The following UTS2B variants were observed in gnomAD, a reference collection of about 807,000 sequenced individuals.
UTS2B encodes urotensin 2B.
A neutral mutation model predicts 19.2 loss-of-function variants in UTS2B; 21 were observed. The ratio of observed to expected loss-of-function variants is 1.09; its 90% CI spans 0.78 to 1.58. The LOEUF is 1.58. Ranked by LOEUF, UTS2B falls within the 40% of genes most tolerant of loss-of-function variation. The pLI, the probability that UTS2B is intolerant of heterozygous loss-of-function variation, is 0.00. For missense variants in UTS2B, 138 were observed against 130.3 expected (o/e 1.06, Z -0.29); for synonymous variants, 57 against 50.2 (o/e 1.14, Z -0.58).
chr3:191,288,061 T>G (rs1716605427), intron 4 of UTS2B, among the ~76,000 whole-genome samples: 1 of 152,108 alleles, frequency 6.6e-6, no homozygotes. Context: ...AAAAAATTAT[T>G]AGGAATACAT....
intron 4 of UTS2B, chr3:191,294,540 A>G (rs994277279): frequency 1.3e-5 from 2 of 151,946 alleles, no homozygotes; most frequent in Non-Finnish European, 2.9e-5. Flanking sequence ...GCTATGATAA[A>G]TGTCCATGTT....
chr3:191,269,583 A>G (rs1357866645), intron 8 of UTS2B, among the ~76,000 whole-genome samples: 1 of 151,550 alleles, frequency 6.6e-6, no homozygotes, highest in East Asian at 1.9e-4. Context: ...CACAGGCATG[A>G]TCATAGAGTG....
intron 3 of UTS2B, among the ~76,000 whole-genome samples, chr3:191,313,567 C>T (rs1003571905): frequency 6.6e-6 from 1 of 152,132 alleles, no homozygotes. Context: ...ACTCACACAC[C>T]AGACTGTCAA....
chr3:191,335,153 A>G (rs970604550), upstream of UTS2B, among the ~76,000 whole-genome samples: 1 of 152,214 alleles, frequency 6.6e-6, no homozygotes, highest in Non-Finnish European at 1.5e-5. Flanking sequence ...CCTCAGTGAC[A>G]AAAAACATGT....
chr3:191,335,647 C>T, the UTS2B span, among the ~76,000 whole-genome samples: 10 of 151,844 alleles, frequency 6.6e-5, no homozygotes, highest in Non-Finnish European at 1.3e-4. Flanking sequence ...AGTGTGTGTG[C>T]ATAGGATAGT....
intron 4 of UTS2B, among the ~76,000 whole-genome samples, chr3:191,300,037 T>TA (rs1281417048): frequency 1.3e-5 from 2 of 151,592 alleles, no homozygotes; most frequent in Admixed American, 6.6e-5. Flanking sequence ...ACATTTTTTT[T>TA]TATATATACA....
intron 3 of UTS2B, among the ~76,000 whole-genome samples, chr3:191,308,082 C>T (rs1717193656): frequency 6.6e-6 from 1 of 152,174 alleles, no homozygotes; most frequent in African/African-American, 2.4e-5. Context: ...GATCTGCCCA[C>T]CTTGGCCTCC....
intron 3 of UTS2B, among the ~76,000 whole-genome samples, chr3:191,305,816 A>T (rs959243459): frequency 6.6e-6 from 1 of 152,084 alleles, no homozygotes; most frequent in Non-Finnish European, 1.5e-5. Context: ...TTATATCTTT[A>T]ATCCATCTTG....
At chr3:191,303,705 T>C (rs1486755162) in intron 4 of UTS2B, among the ~76,000 whole-genome samples, 1 of 152,208 alleles carries the variant, frequency 6.6e-6, no homozygotes, top group Non-Finnish European at 1.5e-5. Context: ...CTCACAAATA[T>C]TATGACATTG....
At chr3:191,323,114 G>A (rs1258358040) in intron 2 of UTS2B, among the ~76,000 whole-genome samples, 2 of 115,962 alleles carry the variant, frequency 1.7e-5, no homozygotes, top group Non-Finnish European at 1.8e-5. Flanking sequence ...TGATGTTCAG[G>A]TTCTCTTTTC....
chr3:191,301,337 C>G (rs577627317), intron 4 of UTS2B, among the ~76,000 whole-genome samples: 5 of 152,150 alleles, frequency 3.3e-5, no homozygotes, highest in African/African-American at 4.8e-5. Context: ...AGTGCCACTA[C>G]CTTGTCTTCC....
intron 3 of UTS2B, among the ~76,000 whole-genome samples, chr3:191,307,946 C>T (rs1016933043): frequency 1.5e-4 from 22 of 151,674 alleles, no homozygotes; most frequent in African/African-American, 5.3e-4. Flanking sequence ...AGCAATTCTC[C>T]TGCCTCAGTC....
chr3:191,273,564 G>A, intron 8 of UTS2B: 1 of 456,698 alleles, frequency 2.2e-6, no homozygotes, highest in Non-Finnish European at 4.4e-6. Context: ...GGATGATAGG[G>A]CTACAGAATA....
chr3:191,299,110 A>T (rs1224292170), intron 4 of UTS2B, among the ~76,000 whole-genome samples: 2 of 144,424 alleles, frequency 1.4e-5, no homozygotes, highest in Admixed American at 1.4e-4. Flanking sequence ...TTGAACTTAC[A>T]TTTAAAAGGG....
the UTS2B span, among the ~76,000 whole-genome samples, chr3:191,339,718 A>G: frequency 6.6e-6 from 1 of 152,208 alleles, no homozygotes; most frequent in Non-Finnish European, 1.5e-5. Context: ...AGTAAATGTT[A>G]CAGTCCACAT....
chr3:191,345,486 A>G, the UTS2B span, among the ~76,000 whole-genome samples: 2 of 152,102 alleles, frequency 1.3e-5, no homozygotes, highest in African/African-American at 4.8e-5. Context: ...GTGCTGTCAG[A>G]TGGAAATTCT....
At chr3:191,300,072 C>T (rs1042977569) in intron 4 of UTS2B, among the ~76,000 whole-genome samples, 2 of 151,090 alleles carry the variant, frequency 1.3e-5, no homozygotes, top group African/African-American at 4.9e-5. Flanking sequence ...TTCTTTGACA[C>T]GGAGTTTTCG....
At chr3:191,336,305 C>T in the UTS2B span, among the ~76,000 whole-genome samples, 109 of 152,204 alleles carry the variant, frequency 7.2e-4, no homozygotes, top group East Asian at 0.02. Context: ...AGTTGTTCTG[C>T]ATCCTTGCTG....
intron 2 of UTS2B, among the ~76,000 whole-genome samples, chr3:191,317,800 G>C (rs1440762045): frequency 6.6e-6 from 1 of 152,094 alleles, no homozygotes; most frequent in Non-Finnish European, 1.5e-5. Context: ...GACTGGTCTC[G>C]AACTCCTGAC....
Sources: gnomAD v4.1 joint callset for allele counts (sites outside exome capture counted in the v4.1 genomes callset) on GRCh38, gnomAD v4.1.1 for gene constraint, MANE v1.5 for transcripts, NCBI Gene and HGNC (gene_info 2026-07-23, HGNC 2026-07-21) for gene names.